The following CD36 variants were observed in gnomAD, a reference collection of about 807,000 sequenced individuals.
The protein encoded by CD36 is platelet glycoprotein 4.
A neutral mutation model predicts 55.2 loss-of-function variants in CD36; 119 were observed. The ratio of observed to expected loss-of-function variants is 2.15; its 90% CI spans 1.86 to 2.51. The LOEUF (loss-of-function observed/expected upper bound fraction) is 2.51, where lower values mean the gene tolerates loss of function less well. Among genes scored for constraint, CD36 ranks in the 30% most tolerant of loss-of-function variants. The pLI is 0.00. For synonymous variants in CD36, 186 were observed against 193.6 expected, an observed-to-expected ratio of 0.96 and a Z score of 0.33; for missense variants, 819 against 555.5, an observed-to-expected ratio of 1.47 and a Z score of -4.77.
At chr7:80,615,622 C>T (rs548424216) in intron 1 of CD36, among the ~76,000 whole-genome samples, 6 of 152,278 alleles carry the variant, frequency 3.9e-5, no homozygotes, top group East Asian at 3.9e-4. Flanking sequence ...TGCATGCCAG[C>T]GCCATGCTCA....
intron 1 of CD36, among the ~76,000 whole-genome samples, chr7:80,625,648 T>C (rs1793700791): frequency 6.6e-6 from 1 of 152,140 alleles, no homozygotes; most frequent in African/African-American, 2.4e-5. Context: ...CCTCAAAGAA[T>C]TACTGATTTA....
chr7:80,629,483 A>G lies in CD36; in HGVS notation c.-183-16605A>G, dbSNP rs373617426. On this transcript the variant is annotated intron_variant, in intron 1 of 13. Transcript: ENST00000309881. ...ACATTTTTAGAGGCAATACCACATTAATAGCTCCACATCAACATATGGAGA... is the reference window on the plus strand; with the variant it reads ...ACATTTTTAGAGGCAATACCACATTGATAGCTCCACATCAACATATGGAGA... 1.0e-3 allele frequency among the ~76,000 whole-genome samples: 152 copies of G among 152,170 alleles called. 1 individual carries two copies. Among genetic ancestry groups the G allele is most frequent in the African/African-American group, 3.5e-3 (146 of 41,546 alleles).
intron 4 of CD36, among the ~76,000 whole-genome samples, chr7:80,660,698 C>T (rs1475096023): frequency 6.6e-6 from 1 of 152,180 alleles, no homozygotes; most frequent in African/African-American, 2.4e-5. Flanking sequence ...CTTTACCTAA[C>T]TAAACTTGTA....
intron 1 of CD36, among the ~76,000 whole-genome samples, chr7:80,644,366 C>T (rs1208534206): frequency 6.6e-6 from 1 of 152,122 alleles, no homozygotes; most frequent in Non-Finnish European, 1.5e-5. Flanking sequence ...AGAAAAATGA[C>T]ACTAAAGAAC....
intron 1 of CD36, among the ~76,000 whole-genome samples, chr7:80,641,067 G>A (rs968928418): frequency 4.6e-5 from 7 of 152,044 alleles, no homozygotes; most frequent in African/African-American, 1.4e-4. Context: ...CAGAGCCCAA[G>A]TGAAGCGTGA....
At chr7:80,662,888 T>A in intron 5 of CD36, 102 bp from the exon 6 acceptor site, 1 of 941,028 alleles carries the variant, frequency 1.1e-6, no homozygotes, top group Non-Finnish European at 1.7e-6. Context: ...AAAGATAAGC[T>A]TTAAAAAGTT....
chr7:80,655,935 G>A (rs57299249), intron 3 of CD36, among the ~76,000 whole-genome samples: 18,664 of 148,978 alleles, frequency 0.13, 1,624 homozygotes, highest in East Asian at 0.31. Context: ...AAAAAAAAAA[G>A]AAAAGAAAAA....
intron 3 of CD36, among the ~76,000 whole-genome samples, chr7:80,654,161 C>T (rs573766710): frequency 3.3e-5 from 5 of 152,098 alleles, no homozygotes; most frequent in African/African-American, 9.7e-5. Context: ...GTCTCATACA[C>T]GTACAATGTC....
chr7:80,677,246 T>C lies in CD36; in HGVS notation c.*863T>C, dbSNP rs1202423868. On this transcript the variant is annotated 3_prime_UTR_variant, in exon 15 of 15. Coordinates refer to ENST00000447544, the MANE Select transcript of CD36 (RefSeq NM_001001548.3). ...GTAGGACAATTGCAAAGGTTTTTCCTTTTTCATAAGGAGACACATTAATAG... is the reference window on the plus strand; with the variant it reads ...GTAGGACAATTGCAAAGGTTTTTCCCTTTTCATAAGGAGACACATTAATAG... 3.3e-5 allele frequency: 5 copies of C among 152,180 alleles called. No individual in the cohort carries two copies. Among genetic ancestry groups the C allele is most frequent in the Non-Finnish European group, 5.9e-5 (4 of 68,034 alleles). The allele number at this position is 152,180 out of a possible 1,614,324, so 9.4% of individuals were successfully genotyped here.
intron 3 of CD36, among the ~76,000 whole-genome samples, chr7:80,651,623 C>T (rs1322604066): frequency 6.6e-6 from 1 of 152,092 alleles, no homozygotes; most frequent in East Asian, 1.9e-4. Flanking sequence ...AATGGTTATA[C>T]ATGGCTGGGC....
At chr7:80,609,160 G>A (rs1792734685) in intron 1 of CD36, among the ~76,000 whole-genome samples, 1 of 152,104 alleles carries the variant, frequency 6.6e-6, no homozygotes, top group African/African-American at 2.4e-5. Context: ...TATAAAGTTT[G>A]GTATAGTATG....
chr7:80,631,786 AAAAC>A (rs1794085502), intron 1 of CD36, among the ~76,000 whole-genome samples: 1 of 151,302 alleles, frequency 6.6e-6, no homozygotes, highest in Non-Finnish European at 1.5e-5. Context: ...CATTTCCAGA[AAAAC>A]ATTTCTGGAA....
rs566453236 is a variant in CD36, at chr7:80,625,997, A to G, written c.-183-20091A>G. 2.6e-5 allele frequency among the ~76,000 whole-genome samples: 4 copies of G among 152,286 alleles called. No individual in the cohort carries two copies. The East Asian group carries it at 7.7e-4, about 29-fold the overall frequency. On this transcript the variant is annotated intron_variant, in intron 1 of 13. Transcript: ENST00000309881. The stretch of plus-strand genomic sequence containing the variant: ...GTATCAATACAGGGGGGTATTTTAC[A>G]GAAATCACTGTTCTCCTGGGTAATC...
rs149878320 is a variant in CD36 at position 80,630,604 on chromosome 7, A to G, written c.-183-15484A>G. 7.1e-3 allele frequency among the ~76,000 whole-genome samples: 1,086 copies of G among 152,120 alleles called. 15 individuals carry two copies. The highest frequency in any genetic ancestry group is 0.025 in the African/African-American group (1,018 of 41,532). ...ATGCTTTTAATTTGGGATTCCAGAA[A>G]TGGTGTGGTTTCCATGTTTTTATGG... On this transcript the variant is annotated intron_variant, in intron 1 of 13. Transcript: ENST00000309881.
intron 1 of CD36, among the ~76,000 whole-genome samples, chr7:80,610,972 T>C (rs1354933033): frequency 6.6e-6 from 1 of 152,072 alleles, no homozygotes; most frequent in Non-Finnish European, 1.5e-5. Flanking sequence ...AACTCCTGGC[T>C]TTAAGTAATC....
rs1562829120 is a variant in CD36, at chr7:80,674,144, A to G, written c.1416A>G (p.Lys472=). ...GTGCATGCAGATCGAAAACAATAAA[A>G]TAAGTAAGTATGTACCAAAAAATAT... The part of the protein sequence containing the change: ...SYCACRSKTI[K] Residue 472 remains lysine (K), a synonymous_variant, in exon 14 of 15, where the codon AAA becomes AAG. Transcript: ENST00000447544. 1.9e-6 allele frequency: 3 copies of G among 1,606,372 alleles called. No individual in the cohort carries two copies. Among genetic ancestry groups the G allele is most frequent in the African/African-American group, 2.7e-5 (2 of 74,726 alleles).
chr7:80,662,962 G>A lies in CD36; in HGVS notation c.430-28G>A, dbSNP rs764024527. 31 of 1,553,362 alleles carry A rather than the reference G, an allele frequency of 2.0e-5. No homozygotes were observed. In the Admixed American group the frequency reaches 4.8e-4, roughly 24 times the overall value. On this transcript the variant is annotated intron_variant, in intron 5 of 14. Coordinates refer to ENST00000447544, the MANE Select transcript of CD36 (RefSeq NM_001001548.3). ...TGTTAAAATCTAATATTGTATTCTT[G>A]TCTTAAACAGTGACTTTGTTTTTGT...
At chr7:80,650,990 G>T (rs1452213097) in intron 3 of CD36, among the ~76,000 whole-genome samples, 1 of 149,338 alleles carries the variant, frequency 6.7e-6, no homozygotes, top group Non-Finnish European at 1.5e-5. Flanking sequence ...AACTACCAAA[G>T]CACTGTGGAA....
intron 14 of CD36, among the ~76,000 whole-genome samples, chr7:80,675,287 G>C (rs1798114733): frequency 6.6e-6 from 1 of 151,370 alleles, no homozygotes; most frequent in South Asian, 2.1e-4. Context: ...ACTAAACAAA[G>C]GTATTTGTAT....
Sources: gnomAD v4.1 joint callset for allele counts (sites outside exome capture counted in the v4.1 genomes callset) on GRCh38, gnomAD v4.1.1 for gene constraint, MANE v1.5 for transcripts, NCBI Gene and HGNC (gene_info 2026-07-23, HGNC 2026-07-21) for gene names.